PCDH17: variants seen among roughly 807,000 people sequenced by gnomAD.
The protein encoded by PCDH17 is protocadherin-17.
In PCDH17, 21 loss-of-function variants were observed where a neutral mutation model predicts 67.7. That is an observed-to-expected ratio of 0.31 (90% CI 0.22 to 0.45). The LOEUF is 0.45. Among genes scored for constraint, PCDH17 ranks in the 20% least tolerant of loss-of-function variants. The pLI is 1.00. For missense variants in PCDH17, 1,471 were observed against 1,564.8 expected (o/e 0.94, Z 1.01); for synonymous variants, 701 against 656.7 (o/e 1.07, Z -1.03).
Position 57,634,718 on chromosome 13 carries a change from C to A in PCDH17, c.2172C>A (p.Ile724=). 1 of 1,613,988 alleles carries A rather than the reference C, an allele frequency of 6.2e-7. No homozygotes were observed. Among genetic ancestry groups the A allele is most frequent in the Non-Finnish European group, 8.5e-7 (1 of 1,180,030 alleles). ...TISIILLAAM[I]TIAVKCKREN... is the part of the protein sequence containing the mutation. ...CCATCATCCTCCTAGCGGCCATGAT[C>A]ACCATCGCCGTCAAGTGCAAGCGCG... is the stretch of plus-strand genomic sequence containing the variant. Residue 724 remains isoleucine (I), a synonymous_variant, in exon 1 of 4, where the codon ATC becomes ATA. Transcript: ENST00000377918. This position sits in a 1 kb window ranked among gnomAD's most constrained non-coding sequence, Gnocchi z 7.8.
chr13:57,715,155 A>C (rs1324851041), intron 3 of PCDH17, among the ~76,000 whole-genome samples: 3 of 151,818 alleles, frequency 2.0e-5, no homozygotes, highest in Non-Finnish European at 4.4e-5. Flanking sequence ...TTTTTAACAG[A>C]CATCTGATAT....
At chr13:57,686,688 T>G (rs1955510901) in intron 3 of PCDH17, among the ~76,000 whole-genome samples, 1 of 151,944 alleles carries the variant, frequency 6.6e-6, no homozygotes, top group South Asian at 2.1e-4. Flanking sequence ...TATAAAAAAC[T>G]AGATTTGGAG....
intron 1 of PCDH17, among the ~76,000 whole-genome samples, chr13:57,658,299 C>T (rs1020904415): frequency 3.9e-5 from 6 of 152,068 alleles, no homozygotes; most frequent in African/African-American, 1.4e-4. Context: ...TTAGATGTTT[C>T]GTTTGAATCT....
At chr13:57,657,420 T>C (rs1955119806) in intron 1 of PCDH17, among the ~76,000 whole-genome samples, 1 of 152,346 alleles carries the variant, frequency 6.6e-6, no homozygotes, top group African/African-American at 2.4e-5. Flanking sequence ...GTTATTGCCA[T>C]ACTTCATACA....
intron 3 of PCDH17, among the ~76,000 whole-genome samples, chr13:57,708,485 T>C (rs1461492742): frequency 1.3e-5 from 2 of 152,082 alleles, no homozygotes; most frequent in East Asian, 3.9e-4. Context: ...CTTTACTCTG[T>C]TAAATATTAC....
chr13:57,634,678 CTCTGAGCACTA>C lies in PCDH17; in HGVS notation c.2136_2146del (p.Ser713HisfsTer50). ...GACATGTCGCTGCCGCTCATCGTGA[CTCTGAGCACTA>C]TCTCCATCATCCTCCTAGCGGCCAT... On this transcript the variant is annotated frameshift_variant, in exon 1 of 4. Coordinates refer to ENST00000377918, the MANE Select transcript of PCDH17 (RefSeq NM_001040429.3). LOFTEE classifies it high-confidence loss of function. This position sits in a 1 kb window ranked among gnomAD's most constrained non-coding sequence, Gnocchi z 7.8. 6.2e-7 allele frequency: 1 copy of C among 1,613,788 alleles called. No individual in the cohort carries two copies. Among genetic ancestry groups the C allele is most frequent in the Non-Finnish European group, 8.5e-7 (1 of 1,180,014 alleles).
intron 1 of PCDH17, among the ~76,000 whole-genome samples, chr13:57,661,617 GGAGAGAAA>G (rs1955184844): frequency 6.6e-6 from 1 of 152,010 alleles, no homozygotes; most frequent in Admixed American, 6.6e-5. Context: ...CATGTTTGAG[GGAGAGAAA>G]GAGAGAGAGA....
Position 57,633,682 on chromosome 13 carries a change from G to T in PCDH17, c.1136G>T (p.Arg379Leu). The T allele has an allele frequency of 1.2e-6, 2 of 1,604,788 alleles. No homozygotes were observed. The highest frequency in any genetic ancestry group is 1.1e-5 in the South Asian group (1 of 91,058). ...ATCGCCCTGGTGCGGGTCACTGACC[G>T]GGACTCTGGCAAGAACGGACAGCTG... ...TVIALVRVTD[R>L]DSGKNGQLQC... Residue 379 changes from arginine to leucine, a missense_variant, in exon 1 of 4, where the codon CGG becomes CTG. Around this residue, in one of 3 missense-constraint regions of PCDH17, gnomAD observed 1,163 missense variants for 1,230.0 expected, o/e 0.95. Coordinates refer to ENST00000377918, the MANE Select transcript of PCDH17 (RefSeq NM_001040429.3). The surrounding 1 kb of genome is among the most constrained non-coding windows in gnomAD (Gnocchi z 6.2).
intron 1 of PCDH17, among the ~76,000 whole-genome samples, chr13:57,655,810 C>T (rs1434970805): frequency 6.6e-6 from 1 of 151,834 alleles, no homozygotes; most frequent in Non-Finnish European, 1.5e-5. Flanking sequence ...TTCAAAGAAC[C>T]ATCTTGGTAT....
At chr13:57,670,580 A>AT (rs990071655) in intron 3 of PCDH17, among the ~76,000 whole-genome samples, 1 of 149,300 alleles carries the variant, frequency 6.7e-6, no homozygotes, top group African/African-American at 2.5e-5. Context: ...AAATATATAT[A>AT]TTTTTTCCAA....
At chr13:57,674,873 T>C (rs1225530701) in intron 3 of PCDH17, among the ~76,000 whole-genome samples, 111 of 152,070 alleles carry the variant, frequency 7.3e-4, no homozygotes, top group Non-Finnish European at 1.0e-4. Context: ...TTACAAAACA[T>C]TATGGTGAGA....
At chr13:57,642,044 A>G (rs530977103) in intron 1 of PCDH17, among the ~76,000 whole-genome samples, 10 of 151,824 alleles carry the variant, frequency 6.6e-5, no homozygotes, top group Admixed American at 1.3e-4. Context: ...GATCTGTATT[A>G]TCTTATTTTC....
chr13:57,697,161 T>C (rs1257604435), intron 3 of PCDH17, among the ~76,000 whole-genome samples: 1 of 151,574 alleles, frequency 6.6e-6, no homozygotes, highest in Non-Finnish European at 1.5e-5. Flanking sequence ...CATGAGCTTG[T>C]TTTCATTAAG....
chr13:57,686,291 A>C (rs1262740354), intron 3 of PCDH17, among the ~76,000 whole-genome samples: 1 of 151,996 alleles, frequency 6.6e-6, no homozygotes, highest in Non-Finnish European at 1.5e-5. Flanking sequence ...ATTTATTTTA[A>C]AAATTACTAA....
In PCDH17 at chr13:57,634,648, A is replaced by C. The variant is rs1353082342; in HGVS notation, c.2102A>C (p.His701Pro). ...GVPRVNGEQHHWDMSLPLIVT... is the reference protein window; with the variant it reads ...GVPRVNGEQHPWDMSLPLIVT... ...CCACGGGTGAATGGCGAGCAGCACC[A>C]CTGGGACATGTCGCTGCCGCTCATC... The change falls in exon 1 of 4, where the codon CAC (histidine) becomes CCC (proline). Residue 701 changes from histidine (H) to proline (P), a missense_variant. His to Pro is a moderately conservative substitution (Grantham distance 77). This residue lies in a region of PCDH17 where 1,163 missense variants were observed against 1,230.0 expected (regional missense o/e 0.95). Transcript: ENST00000377918. The surrounding 1 kb of genome is among the most constrained non-coding windows in gnomAD (Gnocchi z 7.8). The C allele has an allele frequency of 1.1e-5, 18 of 1,613,290 alleles. No homozygotes were observed. Among genetic ancestry groups the C allele is most frequent in the Non-Finnish European group, 1.5e-5 (18 of 1,179,982 alleles).
chr13:57,685,281 A>C (rs1028694765), intron 3 of PCDH17, among the ~76,000 whole-genome samples: 4 of 152,000 alleles, frequency 2.6e-5, no homozygotes, highest in Admixed American at 2.6e-4. Flanking sequence ...CCTATTAAAA[A>C]TATTGGACAA....
At chr13:57,718,496 G>T (rs564635031) in intron 3 of PCDH17, among the ~76,000 whole-genome samples, 1 of 152,074 alleles carries the variant, frequency 6.6e-6, no homozygotes, top group South Asian at 2.1e-4. Context: ...AAATAATAAT[G>T]TTTATGAATA....
chr13:57,639,978 C>T (rs1265120595), intron 1 of PCDH17, among the ~76,000 whole-genome samples: 1 of 151,906 alleles, frequency 6.6e-6, no homozygotes, highest in Non-Finnish European at 1.5e-5. Flanking sequence ...GATGCTATAA[C>T]ATATATCATT....
chr13:57,669,061 A>G (rs943213430), intron 3 of PCDH17, among the ~76,000 whole-genome samples: 6 of 151,828 alleles, frequency 4.0e-5, no homozygotes, highest in Admixed American at 6.6e-5. Context: ...TCATTGTTCA[A>G]TTCCCACCTA....
Sources: allele counts gnomAD v4.1 joint callset (sites outside exome capture counted in the v4.1 genomes callset), GRCh38; gene constraint gnomAD v4.1.1; regional missense constraint gnomAD v4.1.1; non-coding constraint Gnocchi (gnomAD v3.1); transcripts MANE v1.5; gene names NCBI Gene and HGNC (gene_info 2026-07-23, HGNC 2026-07-21).